Variants in NCS1 observed in about 807,000 individuals in gnomAD.
NCS1 encodes frequenin homolog.
In NCS1, 6 loss-of-function variants were observed where a neutral mutation model predicts 28.4. The observed-to-expected ratio is 0.21, with a 90% CI of 0.12 to 0.42. The LOEUF is 0.42. NCS1 is among the 10% of genes least tolerant of loss of function. NCS1 has a pLI of 1.00. For missense variants in NCS1, 131 were observed against 241.4 expected (o/e 0.54, Z 3.03); for synonymous variants, 86 against 99.3 (o/e 0.87, Z 0.79).
At position 130,191,084 on chromosome 9, in the gene NCS1, T is replaced by G. The variant is rs1832810901; in HGVS notation, c.65-9874T>G. Among the ~76,000 whole-genome samples the G allele has an allele frequency of 6.6e-6, 1 of 152,206 alleles. No homozygotes were observed. The highest frequency in any genetic ancestry group is 1.5e-5 in the Non-Finnish European group (1 of 68,012). Reference sequence around the variant, plus strand: ...CAGCATCTCCAGGGCGCCCACCATGTGCTGGGCTCAGTGCTTGTGATGTGT... The same window carrying G: ...CAGCATCTCCAGGGCGCCCACCATGGGCTGGGCTCAGTGCTTGTGATGTGT... On this transcript the variant is annotated intron_variant, in intron 1 of 7. Transcript: ENST00000372398. The surrounding 1 kb of genome is among the most constrained non-coding windows in gnomAD (Gnocchi z 6.4).
chr9:130,232,096 G>A lies in NCS1; in HGVS notation c.*18-894G>A, dbSNP rs183517684. On this transcript the variant is annotated intron_variant, in intron 7 of 7. Coordinates refer to ENST00000372398, the MANE Select transcript of NCS1 (RefSeq NM_014286.4). The surrounding 1 kb of genome is among the most constrained non-coding windows in gnomAD (Gnocchi z 4.4). Reference sequence around the variant, plus strand: ...CAAGCAGCTGGAATTATAGGTGTGCGCAGCCACGTCCGGCTAATTTTTGTA... The same window carrying A: ...CAAGCAGCTGGAATTATAGGTGTGCACAGCCACGTCCGGCTAATTTTTGTA... 1.4e-4 allele frequency among the ~76,000 whole-genome samples: 22 copies of A among 152,222 alleles called. No individual in the cohort carries two copies. Among genetic ancestry groups the A allele is most frequent in the African/African-American group, 4.1e-4 (17 of 41,526 alleles).
chr9:130,209,002 G>C lies in NCS1; in HGVS notation c.89+8020G>C, dbSNP rs968707497. ...GAAACCTGTAAAACCGGAGGCTACT[G>C]GGGGGAAGGGAAAGGAAGAGGAACC... On this transcript the variant is annotated intron_variant, in intron 2 of 7. Coordinates refer to ENST00000372398, the MANE Select transcript of NCS1 (RefSeq NM_014286.4). This position sits in a 1 kb window ranked among gnomAD's most constrained non-coding sequence, Gnocchi z 4.4. 6.6e-6 allele frequency among the ~76,000 whole-genome samples: 1 copy of C among 151,884 alleles called. No homozygotes were observed. Among genetic ancestry groups the C allele is most frequent in the Admixed American group, 6.6e-5 (1 of 15,230 alleles).
Position 130,193,217 on chromosome 9 carries a change from AGGGAGAACACAGCTGC to A in NCS1, c.65-7737_65-7722del, listed in dbSNP as rs1554906437. 2.0e-5 allele frequency among the ~76,000 whole-genome samples: 3 copies of A among 152,272 alleles called. No homozygotes were observed. In the East Asian group the frequency reaches 5.8e-4, roughly 29 times the overall value. On this transcript the variant is annotated intron_variant, in intron 1 of 7. Transcript: ENST00000372398. ...TACCGAGGGGGCTCTGAGGTACTGC[AGGGAGAACACAGCTGC>A]GGGGTGCTGTGAGGAGGGGCAGGGG...
At chr9:130,185,673 G>A (rs929313860) in intron 1 of NCS1, among the ~76,000 whole-genome samples, 2 of 152,202 alleles carry the variant, frequency 1.3e-5, no homozygotes, top group Non-Finnish European at 2.9e-5. Context: ...GCTATTTTTG[G>A]CACTGTGGGG....
intron 1 of NCS1, among the ~76,000 whole-genome samples, chr9:130,188,948 C>T (rs1832777552): frequency 6.6e-6 from 1 of 151,030 alleles, no homozygotes; most frequent in Non-Finnish European, 1.5e-5. Flanking sequence ...AACTCCTGAC[C>T]TCTGGTGATC....
intron 4 of NCS1, among the ~76,000 whole-genome samples, chr9:130,221,447 G>GAA (rs1554910452): frequency 1.2e-4 from 17 of 140,388 alleles, no homozygotes; most frequent in African/African-American, 2.1e-4. Context: ...GAGAGAGAGA[G>GAA]AGAGAAAGAG....
chr9:130,229,550 G>C (rs1046612774), intron 7 of NCS1, among the ~76,000 whole-genome samples: 1 of 152,164 alleles, frequency 6.6e-6, no homozygotes, highest in Non-Finnish European at 1.5e-5. Flanking sequence ...ATCGCGCCTG[G>C]CCAATATTTC....
At chr9:130,178,313 A>T (rs2131114412) in intron 1 of NCS1, among the ~76,000 whole-genome samples, 1 of 152,346 alleles carries the variant, frequency 6.6e-6, no homozygotes, top group Non-Finnish European at 1.5e-5. Context: ...CAGGCCCCAG[A>T]GCCCAGCCTC....
chr9:130,214,220 GA>G (rs782023434), intron 2 of NCS1, among the ~76,000 whole-genome samples: 2 of 152,218 alleles, frequency 1.3e-5, no homozygotes, highest in Non-Finnish European at 2.9e-5. Context: ...AGGAGGCCCG[GA>G]GGCCTCAGAC....
intron 2 of NCS1, among the ~76,000 whole-genome samples, chr9:130,201,772 A>C (rs1484954271): frequency 6.6e-6 from 1 of 152,148 alleles, no homozygotes; most frequent in Non-Finnish European, 1.5e-5. Flanking sequence ...GGGCAGGGCT[A>C]TGCTGGCCCG....
Position 130,233,425 on chromosome 9 carries a change from G to A in NCS1, c.*453G>A, listed in dbSNP as rs115131879. On this transcript the variant is annotated 3_prime_UTR_variant, in exon 8 of 8. Transcript: ENST00000372398. This position sits in a 1 kb window ranked among gnomAD's most constrained non-coding sequence, Gnocchi z 4.8. Reference sequence around the variant, plus strand: ...CCTCAGAGAACTCTGCCTTGCCCTCGTCCCTCGTCCTTCGGCAGCCGGAGA... The same window carrying A: ...CCTCAGAGAACTCTGCCTTGCCCTCATCCCTCGTCCTTCGGCAGCCGGAGA... The A allele has an allele frequency of 0.08, 12,214 of 152,518 alleles. 1,085 individuals are homozygous for A. Among genetic ancestry groups the A allele is most frequent in the African/African-American group, 0.22 (9,233 of 41,468 alleles). The allele number at this position is 152,518 out of a possible 1,614,324, so 9.4% of individuals were successfully genotyped here.
At chr9:130,173,250 G>C (rs1832515839) in intron 1 of NCS1, among the ~76,000 whole-genome samples, 1 of 152,018 alleles carries the variant, frequency 6.6e-6, no homozygotes, top group Non-Finnish European at 1.5e-5. Flanking sequence ...CGGTGACGGC[G>C]GTGAAGGGTC....
intron 7 of NCS1, among the ~76,000 whole-genome samples, chr9:130,229,255 A>G (rs1374191972): frequency 1.9e-4 from 28 of 146,982 alleles, no homozygotes; most frequent in Non-Finnish European, 1.8e-4. Flanking sequence ...TATCACTGTT[A>G]TTAATATTTC....
At chr9:130,172,801 A>T in intron 1 of NCS1, 74 bp downstream of exon 1, 1 of 597,016 alleles carries the variant, frequency 1.7e-6, no homozygotes, top group Non-Finnish European at 2.1e-6. Context: ...CGCCCCCCGG[A>T]CCCGCGCGCT....
intron 1 of NCS1, among the ~76,000 whole-genome samples, chr9:130,189,858 C>CAAAAAA (rs869189538): frequency 2.5e-3 from 107 of 43,116 alleles, no homozygotes; most frequent in Middle Eastern, 0.023. Context: ...GACTCCATCT[C>CAAAAAA]AAAAAAAAAA....
intron 1 of NCS1, among the ~76,000 whole-genome samples, chr9:130,198,943 C>T (rs1832908290): frequency 6.6e-6 from 1 of 152,190 alleles, no homozygotes; most frequent in Non-Finnish European, 1.5e-5. Flanking sequence ...ACCAAGGACA[C>T]CTTCCCTCTC....
intron 1 of NCS1, among the ~76,000 whole-genome samples, chr9:130,195,616 G>T (rs782620688): frequency 3.9e-4 from 59 of 152,202 alleles, no homozygotes; most frequent in Non-Finnish European, 8.1e-4. Context: ...TAGAGACAGG[G>T]TTTCACCATG....
chr9:130,231,325 C>T (rs1833498545), intron 7 of NCS1, among the ~76,000 whole-genome samples: 1 of 151,296 alleles, frequency 6.6e-6, no homozygotes, highest in Non-Finnish European at 1.5e-5. Context: ...GCACTCCAGC[C>T]TGGGTGATAA....
rs1832584797 is a variant in NCS1, at chr9:130,177,198, C to G, written c.64+4471C>G. Among the ~76,000 whole-genome samples the G allele has an allele frequency of 1.3e-5, 2 of 152,200 alleles. No homozygotes were observed. The highest frequency in any genetic ancestry group is 6.5e-5 in the Admixed American group (1 of 15,270). On this transcript the variant is annotated intron_variant, in intron 1 of 7. Transcript: ENST00000372398. The surrounding 1 kb of genome is among the most constrained non-coding windows in gnomAD (Gnocchi z 4.4). ...CCGAGCAGAGGACGGGTCCCTGGCT[C>G]CAGGTTGGGGTCAGCAGTTGGGTTC... is the stretch of plus-strand genomic sequence containing the variant.
Sources: allele counts gnomAD v4.1 joint callset (sites outside exome capture counted in the v4.1 genomes callset), GRCh38; gene constraint gnomAD v4.1.1; non-coding constraint Gnocchi (gnomAD v3.1); transcripts MANE v1.5; gene names NCBI Gene and HGNC (gene_info 2026-07-23, HGNC 2026-07-21).